The following FBXW11 variants were observed in gnomAD, a reference collection of about 807,000 sequenced individuals.
FBXW11 encodes F-box and WD repeat domain containing 11.
A neutral mutation model predicts 77.6 loss-of-function variants in FBXW11; 19 were observed. The observed-to-expected ratio is 0.24, with a 90% CI of 0.17 to 0.36. The LOEUF (loss-of-function observed/expected upper bound fraction) is 0.36, where lower values mean the gene tolerates loss of function less well. Ranked by LOEUF, FBXW11 falls within the 10% of genes least tolerant of loss-of-function variation. The probability of loss-of-function intolerance (pLI) is 1.00; values close to 1 mark genes in which losing one functional copy is unlikely to be tolerated. For synonymous variants in FBXW11, 235 were observed against 249.4 expected, an observed-to-expected ratio of 0.94 and a Z score of 0.54; for missense variants, 334 against 704.2, an observed-to-expected ratio of 0.47 and a Z score of 5.95.
intron 1 of FBXW11, among the ~76,000 whole-genome samples, chr5:171,976,287 T>A (rs1181719756): frequency 6.6e-6 from 1 of 152,138 alleles, no homozygotes; most frequent in Non-Finnish European, 1.5e-5. Context: ...CAGGATCAAG[T>A]CAATTACGAG....
chr5:171,929,487 A>C (rs111794302), intron 2 of FBXW11, among the ~76,000 whole-genome samples: 50 of 152,342 alleles, frequency 3.3e-4, no homozygotes, highest in African/African-American at 1.0e-3. Flanking sequence ...AGAAATAAAA[A>C]CATAAATAAC....
intron 12 of FBXW11, 117 bp from the exon 13 acceptor site, chr5:171,868,913 T>A: frequency 1.2e-6 from 1 of 825,894 alleles, no homozygotes; most frequent in Non-Finnish European, 1.9e-6. Flanking sequence ...CCTAAACGAC[T>A]GTACAGAGCT....
intron 7 of FBXW11, among the ~76,000 whole-genome samples, chr5:171,881,784 G>T (rs1758523838): frequency 6.6e-6 from 1 of 152,082 alleles, no homozygotes; most frequent in Non-Finnish European, 1.5e-5. Context: ...TTACCTATTT[G>T]TTTTTATGTC....
At chr5:171,870,951 T>C in intron 10 of FBXW11, 93 bp from the exon 11 acceptor site, 2 of 804,246 alleles carry the variant, frequency 2.5e-6, no homozygotes, top group Non-Finnish European at 4.2e-6. Context: ...CAGATACAAT[T>C]TTTCACTATC....
chr5:171,987,089 G>A (rs1765485957), intron 1 of FBXW11, among the ~76,000 whole-genome samples: 1 of 152,212 alleles, frequency 6.6e-6, no homozygotes, highest in Admixed American at 6.5e-5. Flanking sequence ...GCTAATGCCT[G>A]ATGTCTAAGG....
chr5:171,903,516 C>G (rs1760274881), intron 4 of FBXW11, among the ~76,000 whole-genome samples: 1 of 152,218 alleles, frequency 6.6e-6, no homozygotes, highest in South Asian at 2.1e-4. Context: ...GAATTTCAAA[C>G]TGCAGAATCC....
chr5:171,976,742 G>A (rs1175380948), intron 1 of FBXW11, among the ~76,000 whole-genome samples: 2 of 152,042 alleles, frequency 1.3e-5, no homozygotes, highest in Non-Finnish European at 2.9e-5. Flanking sequence ...GCCTCCAGGT[G>A]AGCTCTAAGA....
intron 2 of FBXW11, among the ~76,000 whole-genome samples, chr5:171,930,753 ATAAAAAAAT>A (rs1762137179): frequency 2.0e-5 from 1 of 51,278 alleles, no homozygotes; most frequent in East Asian, 8.8e-4. Context: ...AAAATAAAAA[ATAAAAAAAT>A]AAAAAAAAAA....
chr5:171,946,517 T>C (rs1446476687), intron 2 of FBXW11, among the ~76,000 whole-genome samples: 1 of 152,144 alleles, frequency 6.6e-6, no homozygotes, highest in African/African-American at 2.4e-5. Flanking sequence ...CTCCTACTAC[T>C]TTCTCCCTCA....
chr5:171,932,541 T>A (rs923494209), intron 2 of FBXW11, among the ~76,000 whole-genome samples: 1 of 152,152 alleles, frequency 6.6e-6, no homozygotes, highest in Non-Finnish European at 1.5e-5. Flanking sequence ...TGTGTAGTGA[T>A]GAAGTCAAGG....
chr5:171,970,644 T>G (rs779036490), intron 1 of FBXW11, among the ~76,000 whole-genome samples: 20 of 152,240 alleles, frequency 1.3e-4, no homozygotes, highest in Non-Finnish European at 2.5e-4. Context: ...AGTAGTGTTT[T>G]AATTTTATAT....
intron 13 of FBXW11, among the ~76,000 whole-genome samples, chr5:171,866,060 T>C (rs1581115016): frequency 6.6e-6 from 1 of 151,656 alleles, no homozygotes. Flanking sequence ...AGGTCAGGAG[T>C]TCGAGACCAG....
intron 1 of FBXW11, among the ~76,000 whole-genome samples, chr5:171,959,857 A>AAAGAAAAG (rs70982357): frequency 3.1e-4 from 40 of 130,930 alleles, no homozygotes; most frequent in East Asian, 2.9e-3. Flanking sequence ...CAAAAAAAAA[A>AAAGAAAAG]AAAAGAAAAG....
chr5:171,971,795 C>A (rs1561736517), intron 1 of FBXW11, among the ~76,000 whole-genome samples: 1 of 152,148 alleles, frequency 6.6e-6, no homozygotes, highest in Non-Finnish European at 1.5e-5. Flanking sequence ...CCAGCTTGGG[C>A]AACACAGTGA....
intron 1 of FBXW11, among the ~76,000 whole-genome samples, chr5:171,965,125 T>C (rs1764114435): frequency 6.6e-6 from 1 of 152,206 alleles, no homozygotes; most frequent in African/African-American, 2.4e-5. Context: ...AGCCCAAAAG[T>C]AGTGGAATCA....
chr5:171,960,463 A>G (rs562132536), intron 1 of FBXW11, among the ~76,000 whole-genome samples: 1 of 152,356 alleles, frequency 6.6e-6, no homozygotes, highest in East Asian at 1.9e-4. Flanking sequence ...ATTTTTACTT[A>G]TTCAGTAAAA....
chr5:172,004,563 C>T (rs1342098646), intron 1 of FBXW11, among the ~76,000 whole-genome samples: 1 of 152,026 alleles, frequency 6.6e-6, no homozygotes, highest in African/African-American at 2.4e-5. Context: ...TCTTATAATT[C>T]TTTTGAAAAT....
At chr5:171,883,312 A>C (rs1758650188) in intron 7 of FBXW11, among the ~76,000 whole-genome samples, 1 of 152,086 alleles carries the variant, frequency 6.6e-6, no homozygotes, top group South Asian at 2.1e-4. Flanking sequence ...CAGTAGTGGG[A>C]CTGCTGGATC....
intron 7 of FBXW11, among the ~76,000 whole-genome samples, chr5:171,881,592 A>G (rs1203537613): frequency 6.6e-6 from 1 of 152,244 alleles, no homozygotes; most frequent in Non-Finnish European, 1.5e-5. Flanking sequence ...CAATGGCCTC[A>G]TAGAATGAGT....
Sources: allele counts gnomAD v4.1 joint callset (sites outside exome capture counted in the v4.1 genomes callset), GRCh38; gene constraint gnomAD v4.1.1; transcripts MANE v1.5; gene names NCBI Gene and HGNC (gene_info 2026-07-23, HGNC 2026-07-21).